PDE1C: variants seen among roughly 807,000 people sequenced by gnomAD.
PDE1C encodes dual specificity calcium/calmodulin-dependent 3',5'-cyclic nucleotide phosphodiesterase 1C.
A neutral mutation model predicts 93.1 loss-of-function variants in PDE1C; 62 were observed. That is an observed-to-expected ratio of 0.67 (90% CI 0.54 to 0.82). The LOEUF is 0.82. Ranked by LOEUF, PDE1C falls within the 40% of genes least tolerant of loss-of-function variation. PDE1C has a pLI of 0.00. For synonymous variants in PDE1C, 325 were observed against 310.1 expected (o/e 1.05, Z -0.50); for missense variants, 742 against 884.6 (o/e 0.84, Z 2.04).
intron 1 of PDE1C, among the ~76,000 whole-genome samples, chr7:32,408,596 C>A (rs1186470453): frequency 6.6e-6 from 1 of 152,162 alleles, no homozygotes; most frequent in African/African-American, 2.4e-5. Flanking sequence ...CGAGACCAGC[C>A]TAGCCAACAT....
intron 6 of PDE1C, 60 bp from the exon 7 acceptor site, chr7:31,865,142 G>T (rs112389069): frequency 1.3e-6 from 2 of 1,582,250 alleles, no homozygotes; most frequent in Admixed American, 3.3e-5. Context: ...TGGAGACACA[G>T]AAGTCTAAGG....
chr7:31,633,256 C>T, the PDE1C span, among the ~76,000 whole-genome samples: 36,296 of 152,022 alleles, frequency 0.24, 5,510 homozygotes, highest in Non-Finnish European at 0.32. Context: ...GAAAGGAGTT[C>T]GACACATTCT....
At chr7:31,745,166 T>A in the PDE1C span, among the ~76,000 whole-genome samples, 3 of 152,140 alleles carry the variant, frequency 2.0e-5, no homozygotes, top group East Asian at 1.9e-4. Context: ...CTCCAGTGGG[T>A]TGGAACCAAT....
chr7:32,139,722 T>A (rs1800411444), intron 3 of PDE1C, among the ~76,000 whole-genome samples: 1 of 152,200 alleles, frequency 6.6e-6, no homozygotes, highest in South Asian at 2.1e-4. Flanking sequence ...GATGTAATTT[T>A]AGCCAATGAG....
the PDE1C span, among the ~76,000 whole-genome samples, chr7:31,734,654 T>C: frequency 2.6e-5 from 4 of 152,040 alleles, no homozygotes; most frequent in African/African-American, 4.8e-5. Context: ...CAAGAGCAAT[T>C]ATCGAAAAAA....
chr7:31,824,738 A>G, intron 13 of PDE1C, 129 bp downstream of exon 13: 1 of 1,190,612 alleles, frequency 8.4e-7, no homozygotes. Context: ...AAAGAGGCAG[A>G]CAAATTTTTC....
At chr7:32,153,047 A>G (rs1212914890) in intron 3 of PDE1C, among the ~76,000 whole-genome samples, 2 of 152,206 alleles carry the variant, frequency 1.3e-5, no homozygotes, top group East Asian at 1.9e-4. Context: ...TAAGAAACTG[A>G]GGCAATGTCT....
At chr7:31,684,489 A>G in the PDE1C span, among the ~76,000 whole-genome samples, 1 of 152,158 alleles carries the variant, frequency 6.6e-6, no homozygotes, top group Non-Finnish European at 1.5e-5. Context: ...CAAACAGCAA[A>G]CTGGGAGAAA....
intron 1 of PDE1C, among the ~76,000 whole-genome samples, chr7:32,404,167 G>A (rs900569701): frequency 2.6e-5 from 4 of 152,128 alleles, no homozygotes; most frequent in African/African-American, 7.2e-5. Context: ...TTTTCTCGTG[G>A]CTGCAATGGG....
chr7:31,692,292 G>T, the PDE1C span: 1 of 617,960 alleles, frequency 1.6e-6, no homozygotes, highest in African/African-American at 1.9e-5. Flanking sequence ...TAAAGAAACA[G>T]GATTGGATTG....
intron 2 of PDE1C, among the ~76,000 whole-genome samples, chr7:31,985,232 T>C (rs2129065513): frequency 6.6e-6 from 1 of 152,228 alleles, no homozygotes; most frequent in South Asian, 2.1e-4. Context: ...GGAGTTTTCT[T>C]ACAATTCTTT....
chr7:32,191,204 A>G (rs1450572906), intron 2 of PDE1C, among the ~76,000 whole-genome samples: 1 of 152,192 alleles, frequency 6.6e-6, no homozygotes, highest in African/African-American at 2.4e-5. Context: ...ATGCAGTTGT[A>G]AGAAATAATA....
At chr7:31,622,675 C>A in the PDE1C span, among the ~76,000 whole-genome samples, 2 of 151,984 alleles carry the variant, frequency 1.3e-5, no homozygotes, top group African/African-American at 2.4e-5. Context: ...AAAATTGACA[C>A]CCTAACATCA....
At chr7:32,248,530 C>T (rs190658186) in intron 1 of PDE1C, among the ~76,000 whole-genome samples, 148 of 152,274 alleles carry the variant, frequency 9.7e-4, no homozygotes, top group Non-Finnish European at 1.6e-3. Flanking sequence ...GAAAGACTAC[C>T]CACTGAATTA....
At chr7:32,111,698 CA>C (rs548571776) in intron 3 of PDE1C, among the ~76,000 whole-genome samples, 4 of 151,914 alleles carry the variant, frequency 2.6e-5, no homozygotes, top group African/African-American at 4.8e-5. Flanking sequence ...AGATTGTGAG[CA>C]AAAAAAGCTT....
chr7:31,890,688 ACTT>A (rs1798509772), intron 2 of PDE1C, among the ~76,000 whole-genome samples: 1 of 152,206 alleles, frequency 6.6e-6, no homozygotes, highest in South Asian at 2.1e-4. Flanking sequence ...TCTCATTTCT[ACTT>A]CTTTTTTCTT....
At chr7:31,961,790 C>T (rs1038452583) in intron 2 of PDE1C, among the ~76,000 whole-genome samples, 1 of 152,064 alleles carries the variant, frequency 6.6e-6, no homozygotes, top group Non-Finnish European at 1.5e-5. Flanking sequence ...ATCATTTCAC[C>T]CAAACTAAGG....
At chr7:32,064,787 A>G (rs1795186726) in intron 1 of PDE1C, among the ~76,000 whole-genome samples, 2 of 152,142 alleles carry the variant, frequency 1.3e-5, no homozygotes, top group African/African-American at 4.8e-5. Context: ...TCCTCAAACT[A>G]TGAGCATACA....
rs1583439488 is a variant in PDE1C, at chr7:32,425,387, A to G, written c.310+2435T>C. ...GAGCTCAAATACCACTCTTTTCAAA[A>G]AGATCAAAATATAGAAATTGAATAA... On this transcript the variant is annotated intron_variant, in intron 1 of 1. Coordinates refer to the PDE1C transcript ENST00000672256. 2.0e-5 allele frequency among the ~76,000 whole-genome samples: 3 copies of G among 152,308 alleles called. No individual in the cohort carries two copies. The South Asian group carries it at 6.2e-4, about 32-fold the overall frequency.
Sources: gnomAD v4.1 joint callset for allele counts (sites outside exome capture counted in the v4.1 genomes callset) on GRCh38, gnomAD v4.1.1 for gene constraint, MANE v1.5 for transcripts, NCBI Gene and HGNC (gene_info 2026-07-23, HGNC 2026-07-21) for gene names.